The following WDR3 variants were observed in gnomAD, a reference collection of about 807,000 sequenced individuals.
WDR3 encodes the protein WD repeat domain 3.
A neutral mutation model predicts 123.7 loss-of-function variants in WDR3; 81 were observed. The observed-to-expected ratio is 0.65, with a 90% CI of 0.55 to 0.79. WDR3 has a LOEUF of 0.79. WDR3 is among the 30% of genes least tolerant of loss of function. The pLI, the probability that WDR3 is intolerant of heterozygous loss-of-function variation, is 0.00. For synonymous variants in WDR3, 390 were observed against 388.8 expected (o/e 1.00, Z -0.04); for missense variants, 1,027 against 1,123.2 (o/e 0.91, Z 1.22).
intron 6 of WDR3, 24 bp downstream of exon 6, chr1:117,939,596 G>A: frequency 6.2e-7 from 1 of 1,605,834 alleles, no homozygotes; most frequent in Non-Finnish European, 8.5e-7. Flanking sequence ...AAAATCATGG[G>A]CAATATGTTT....
chr1:117,936,045 T>G (rs939350659), intron 3 of WDR3, among the ~76,000 whole-genome samples: 1 of 152,028 alleles, frequency 6.6e-6, no homozygotes, highest in African/African-American at 2.4e-5. Flanking sequence ...TTTGTATTCA[T>G]AAAAAATGTA....
At chr1:117,934,798 A>ACTTT in intron 3 of WDR3, 116 bp downstream of exon 3, 4 of 989,734 alleles carry the variant, frequency 4.0e-6, no homozygotes, top group Non-Finnish European at 4.5e-6. Context: ...TATACAAAGT[A>ACTTT]GTATAATGAT....
At position 117,952,666 on chromosome 1, in the gene WDR3, A is replaced by G. The variant is rs1433349856; in HGVS notation, c.2151+4A>G. The G allele has an allele frequency of 1.9e-6, 3 of 1,611,744 alleles. No homozygotes were observed. Among genetic ancestry groups the G allele is most frequent in the South Asian group, 2.2e-5 (2 of 90,700 alleles). ...TCTTGAGGAAGAAAGGGAGATGGTA[A>G]GAACTTTAGGCTTGGTTACAAATAT... On this transcript the variant is annotated splice_donor_region_variant and intron_variant, in intron 19 of 26. Transcript: ENST00000349139.
At chr1:117,948,143 T>C (rs1639343813) in intron 12 of WDR3, among the ~76,000 whole-genome samples, 1 of 152,238 alleles carries the variant, frequency 6.6e-6, no homozygotes, top group African/African-American at 2.4e-5. Flanking sequence ...ATGAAAGTAA[T>C]GCATCCAGTA....
intron 9 of WDR3, among the ~76,000 whole-genome samples, chr1:117,942,236 A>G (rs1198000424): frequency 6.6e-6 from 1 of 152,236 alleles, no homozygotes; most frequent in Non-Finnish European, 1.5e-5. Flanking sequence ...ATTAAGTGAA[A>G]TAATACTTTA....
At chr1:117,935,791 T>C (rs1228050530) in intron 3 of WDR3, among the ~76,000 whole-genome samples, 4 of 151,930 alleles carry the variant, frequency 2.6e-5, no homozygotes, top group Non-Finnish European at 5.9e-5. Context: ...AGGAAACTGT[T>C]GGTAGATTGG....
rs1317780919 is a variant in WDR3, at chr1:117,952,927, T to C, written c.2152-19T>C. The C allele has an allele frequency of 1.9e-6, 3 of 1,612,448 alleles. No individual in the cohort carries two copies. In the Admixed American group the frequency reaches 5.0e-5, roughly 27 times the overall value. On this transcript the variant is annotated intron_variant, in intron 19 of 26. Transcript: ENST00000349139. Reference sequence around the variant, plus strand: ...CATGTTTTTTTCTCTCAAATTAATGTATATCTATCTCATGGCAGGAAAGAG... The same window carrying C: ...CATGTTTTTTTCTCTCAAATTAATGCATATCTATCTCATGGCAGGAAAGAG...
At position 117,964,535 on chromosome 1, in the gene WDR3, A is replaced by C. The variant is rs1653563331; in HGVS notation, c.*5088A>C. ...AGTTTCCTTCTGTCACAATGGAAAA[A>C]CCCTGTCATTACTCAAAGGAAGAGA... On this transcript the variant is annotated 3_prime_UTR_variant, in exon 27 of 27. Coordinates refer to ENST00000349139, the MANE Select transcript of WDR3 (RefSeq NM_006784.3). 1 of 151,898 alleles carries C rather than the reference A, an allele frequency of 6.6e-6. No individual in the cohort carries two copies. The highest frequency in any genetic ancestry group is 1.5e-5 in the Non-Finnish European group (1 of 67,988). The allele number at this position is 151,898 out of a possible 1,614,324, so 9.4% of individuals were successfully genotyped here. A position where few individuals can be genotyped will look rare whatever the true frequency, so the allele number is the denominator to read the frequency against.
intron 3 of WDR3, 54 bp downstream of exon 3, chr1:117,934,736 T>C (rs2101192665): frequency 6.3e-7 from 1 of 1,588,666 alleles, no homozygotes; most frequent in South Asian, 1.1e-5. Flanking sequence ...GTAAGGCTTA[T>C]GCTGAAGCAA....
chr1:117,953,102 A>G, intron 20 of WDR3, 106 bp downstream of exon 20: 4 of 1,263,082 alleles, frequency 3.2e-6, no homozygotes, highest in Non-Finnish European at 4.5e-6. Flanking sequence ...TGAGGCTAGA[A>G]GTTGCAGGTA....
intron 1 of WDR3, among the ~76,000 whole-genome samples, chr1:117,933,052 A>AAAT (rs1650789807): frequency 6.6e-6 from 1 of 151,634 alleles, no homozygotes; most frequent in Non-Finnish European, 1.5e-5. Context: ...AAAAAAAAAA[A>AAAT]AATTAGCCGG....
chr1:117,934,742 A>C (rs1227917140), intron 3 of WDR3, 60 bp downstream of exon 3: 2 of 1,578,860 alleles, frequency 1.3e-6, no homozygotes, highest in Non-Finnish European at 8.6e-7. Flanking sequence ...CTTATGCTGA[A>C]GCAAGTTGTT....
At position 117,965,689 on chromosome 1, in the gene WDR3, C is replaced by T. The variant is rs1653742639; in HGVS notation, c.*6242C>T. On this transcript the variant is annotated 3_prime_UTR_variant, in exon 27 of 27. Coordinates refer to ENST00000349139, the MANE Select transcript of WDR3 (RefSeq NM_006784.3). Reference sequence around the variant, plus strand: ...TACACATCCAGTTGTTCCCCTTTGACATGTCCTGCACAATAACCCTGGATT... The same window carrying T: ...TACACATCCAGTTGTTCCCCTTTGATATGTCCTGCACAATAACCCTGGATT... 1.3e-5 allele frequency: 2 copies of T among 152,222 alleles called. No homozygotes were observed. The highest frequency in any genetic ancestry group is 2.9e-5 in the Non-Finnish European group (2 of 68,056). 9.4% of individuals were successfully genotyped at this position (152,222 alleles called of 1,614,324 possible). A position where few individuals can be genotyped will look rare whatever the true frequency, so the allele number is the denominator to read the frequency against.
intron 12 of WDR3, among the ~76,000 whole-genome samples, chr1:117,947,655 T>C (rs1393678695): frequency 1.3e-5 from 2 of 152,226 alleles, no homozygotes; most frequent in Admixed American, 6.5e-5. Flanking sequence ...ATTGGTGATA[T>C]AAATTTCATT....
chr1:117,942,346 G>A, intron 9 of WDR3, 91 bp from the exon 10 acceptor site: 1 of 999,612 alleles, frequency 1.0e-6, no homozygotes, highest in South Asian at 1.4e-5. Flanking sequence ...AACACAGTTT[G>A]TTGGTCAAGG....
At chr1:117,938,380 A>G in intron 4 of WDR3, 100 bp from the exon 5 acceptor site, 1 of 872,944 alleles carries the variant, frequency 1.1e-6, no homozygotes, top group Non-Finnish European at 1.8e-6. Flanking sequence ...TTATTGAAGC[A>G]TATGTTCCTT....
Position 117,940,731 on chromosome 1 carries a change from C to T in WDR3, c.676-96C>T, listed in dbSNP as rs1651114820. The T allele has an allele frequency of 8.3e-6, 8 of 969,360 alleles. No homozygotes were observed. In the Admixed American group the frequency reaches 9.5e-5, roughly 11 times the overall value. The allele number at this position is 969,360 out of a possible 1,614,324, so 60.0% of individuals were successfully genotyped here. On this transcript the variant is annotated intron_variant, in intron 6 of 26. Coordinates refer to ENST00000349139, the MANE Select transcript of WDR3 (RefSeq NM_006784.3). Reference sequence around the variant, plus strand: ...CGACAGAGTAAGACTCTGTCTCCGACAACAACAACAACAACAACAAAACAA... The same window carrying T: ...CGACAGAGTAAGACTCTGTCTCCGATAACAACAACAACAACAACAAAACAA...
In WDR3 at chr1:117,957,204, C is replaced by T; in HGVS notation, c.2582+8C>T. On this transcript the variant is annotated splice_region_variant and intron_variant, in intron 25 of 26. Transcript: ENST00000349139. ...CCTCTTCTTCCTCCTTAGGTAACAT[C>T]CTTTTCCAAAGAATACCATGTCTGT... is the stretch of plus-strand genomic sequence containing the variant. The T allele has an allele frequency of 6.2e-7, 1 of 1,607,786 alleles. No homozygotes were observed. The highest frequency in any genetic ancestry group is 8.5e-7 in the Non-Finnish European group (1 of 1,177,814).
rs1332166002 is a variant in WDR3 at position 117,942,445 on chromosome 1, C to T, written c.998C>T (p.Ser333Phe). The change falls in exon 10 of 27, where the codon TCT (serine) becomes TTT (phenylalanine). Residue 333 changes from serine to phenylalanine, a missense_variant. Ser to Phe is a radical substitution (Grantham distance 155). Transcript: ENST00000349139. ...TTTCTTCTTCCCTCTAGATTACATTCTAGCAAAGGAGAGGAGGAAGATCCT... is the reference window on the plus strand; with the variant it reads ...TTTCTTCTTCCCTCTAGATTACATTTTAGCAAAGGAGAGGAGGAAGATCCT... ...KKARKKAKLH[S>F]SKGEEEDPEV... 1 of 1,613,528 alleles carries T rather than the reference C, an allele frequency of 6.2e-7. No individual in the cohort carries two copies. The highest frequency in any genetic ancestry group is 1.1e-5 in the South Asian group (1 of 91,028).
Sources: allele counts gnomAD v4.1 joint callset (sites outside exome capture counted in the v4.1 genomes callset), GRCh38; gene constraint gnomAD v4.1.1; transcripts MANE v1.5; gene names NCBI Gene and HGNC (gene_info 2026-07-23, HGNC 2026-07-21).